Variants in CAMK1D observed in about 807,000 individuals in gnomAD.
CAMK1D encodes the protein calcium/calmodulin-dependent protein kinase type 1D.
In CAMK1D, 9 loss-of-function variants were observed where a neutral mutation model predicts 47.7. The ratio of observed to expected loss-of-function variants is 0.19; its 90% CI spans 0.11 to 0.33. CAMK1D has a LOEUF of 0.33. Ranked by LOEUF, CAMK1D falls within the 10% of genes least tolerant of loss-of-function variation. The pLI, the probability that CAMK1D is intolerant of heterozygous loss-of-function variation, is 1.00. For synonymous variants in CAMK1D, 184 were observed against 184.9 expected, an observed-to-expected ratio of 0.99 and a Z score of 0.04; for missense variants, 291 against 488.7, an observed-to-expected ratio of 0.60 and a Z score of 3.81.
chr10:12,365,250 C>T (rs1001397288), intron 1 of CAMK1D, among the ~76,000 whole-genome samples: 4 of 152,048 alleles, frequency 2.6e-5, no homozygotes, highest in South Asian at 2.1e-4. Context: ...GCCACCAAGC[C>T]GGCCTATCCT....
At chr10:12,827,664 C>T (rs1455825174) in intron 10 of CAMK1D, among the ~76,000 whole-genome samples, 4 of 143,978 alleles carry the variant, frequency 2.8e-5, no homozygotes, top group Non-Finnish European at 6.1e-5. Flanking sequence ...TCTCCTCTCT[C>T]CCTTCTCCCC....
intron 2 of CAMK1D, among the ~76,000 whole-genome samples, chr10:12,590,399 C>A (rs1837962592): frequency 6.6e-6 from 1 of 151,972 alleles, no homozygotes; most frequent in South Asian, 2.1e-4. Context: ...TAAGTGTTTG[C>A]AGAGATGGAT....
chr10:12,365,471 C>T (rs1303074254), intron 1 of CAMK1D, among the ~76,000 whole-genome samples: 2 of 152,068 alleles, frequency 1.3e-5, no homozygotes, highest in Non-Finnish European at 2.9e-5. Flanking sequence ...CAGTGTCTCG[C>T]TCTGTCGCCC....
At chr10:12,741,271 A>G (rs936628184) in intron 3 of CAMK1D, among the ~76,000 whole-genome samples, 4 of 152,112 alleles carry the variant, frequency 2.6e-5, no homozygotes, top group Admixed American at 6.6e-5. Context: ...TCCTTTCTTC[A>G]TGCTTAGCAG....
chr10:12,489,231 C>T (rs1390603750), intron 1 of CAMK1D, among the ~76,000 whole-genome samples: 1 of 152,200 alleles, frequency 6.6e-6, no homozygotes, highest in Non-Finnish European at 1.5e-5. Flanking sequence ...AGCCACTGTG[C>T]CTGGCCTGTG....
At chr10:12,748,166 A>G (rs1046493889) in intron 3 of CAMK1D, among the ~76,000 whole-genome samples, 3 of 152,128 alleles carry the variant, frequency 2.0e-5, no homozygotes, top group African/African-American at 7.2e-5. Context: ...TCCACAGCTC[A>G]TGGTATTTAA....
At chr10:12,791,049 C>A in intron 5 of CAMK1D, 109 bp from the exon 6 acceptor site, 1 of 873,842 alleles carries the variant, frequency 1.1e-6, no homozygotes, top group Non-Finnish European at 1.9e-6. Flanking sequence ...TCTCTCTACT[C>A]AGTTTTTATA....
chr10:12,683,359 T>G (rs946957811), intron 3 of CAMK1D, among the ~76,000 whole-genome samples: 1 of 152,170 alleles, frequency 6.6e-6, no homozygotes, highest in Non-Finnish European at 1.5e-5. Context: ...GTGCTAGGAT[T>G]ACAGGTGTAA....
At chr10:12,437,173 CATCT>C (rs765196395) in intron 1 of CAMK1D, among the ~76,000 whole-genome samples, 3,349 of 150,976 alleles carry the variant, frequency 0.022, 120 homozygotes, top group African/African-American at 0.069. Context: ...TCTATCTGTC[CATCT>C]GTCTGTCTGT....
At chr10:12,798,893 T>C (rs1410014097) in intron 6 of CAMK1D, among the ~76,000 whole-genome samples, 1 of 152,158 alleles carries the variant, frequency 6.6e-6, no homozygotes, top group African/African-American at 2.4e-5. Flanking sequence ...TATATATGTA[T>C]TGGAGGTGCA....
intron 3 of CAMK1D, among the ~76,000 whole-genome samples, chr10:12,694,467 CAT>C (rs1192332744): frequency 1.1e-5 from 1 of 87,578 alleles, no homozygotes; most frequent in Admixed American, 1.6e-4. Context: ...TGTTATATAT[CAT>C]ATATAAAATA....
At chr10:12,495,866 C>CA (rs1282132649) in intron 1 of CAMK1D, among the ~76,000 whole-genome samples, 1 of 152,090 alleles carries the variant, frequency 6.6e-6, no homozygotes, top group Non-Finnish European at 1.5e-5. Flanking sequence ...CTCACTCTGT[C>CA]ACTCAGGCCG....
intron 4 of CAMK1D, among the ~76,000 whole-genome samples, chr10:12,763,524 C>T (rs1836599946): frequency 6.6e-6 from 1 of 152,200 alleles, no homozygotes; most frequent in Admixed American, 6.5e-5. Context: ...TTGGGTTTCT[C>T]AGCCCCTGCA....
intron 1 of CAMK1D, among the ~76,000 whole-genome samples, chr10:12,419,009 T>C (rs1402942719): frequency 1.3e-5 from 2 of 152,198 alleles, no homozygotes; most frequent in Non-Finnish European, 2.9e-5. Context: ...TGTTTCAACA[T>C]TGGTGCTTGA....
At position 12,415,395 on chromosome 10, in the gene CAMK1D, TCTC is replaced by T. The variant is rs1290612141; in HGVS notation, c.92+65488_92+65490del. ...CCTCCGCCTCCCAGGTTCAAGCGAT[TCTC>T]CTGCCTCAGCCTCCCAAGTAGCTGG... On this transcript the variant is annotated intron_variant, in intron 1 of 10. Coordinates refer to ENST00000619168, the MANE Select transcript of CAMK1D (RefSeq NM_153498.4). Among the ~76,000 whole-genome samples the T allele has an allele frequency of 7.9e-5, 12 of 151,316 alleles. No homozygotes were observed. In the South Asian group the frequency reaches 2.5e-3, roughly 32 times the overall value.
chr10:12,352,018 A>T (rs1460367792), intron 1 of CAMK1D, among the ~76,000 whole-genome samples: 1 of 152,330 alleles, frequency 6.6e-6, no homozygotes, highest in African/African-American at 2.4e-5. Context: ...ATCAGGTATT[A>T]TTCTACGTGC....
intron 6 of CAMK1D, among the ~76,000 whole-genome samples, chr10:12,809,003 G>A (rs1832490427): frequency 6.6e-6 from 1 of 151,926 alleles, no homozygotes; most frequent in East Asian, 1.9e-4. Flanking sequence ...TGTAATCCCA[G>A]GTGCGCAGGA....
intron 1 of CAMK1D, among the ~76,000 whole-genome samples, chr10:12,424,796 G>A (rs1354585582): frequency 2.0e-5 from 3 of 152,078 alleles, no homozygotes; most frequent in Admixed American, 6.5e-5. Flanking sequence ...GCAACAGAGC[G>A]AGACCCCATC....
At chr10:12,732,952 A>G (rs1050622490) in intron 3 of CAMK1D, among the ~76,000 whole-genome samples, 4 of 152,104 alleles carry the variant, frequency 2.6e-5, no homozygotes, top group African/African-American at 9.7e-5. Flanking sequence ...AATGGAGACA[A>G]TAGCACATGC....
Sources: gnomAD v4.1 joint callset for allele counts (sites outside exome capture counted in the v4.1 genomes callset) on GRCh38, gnomAD v4.1.1 for gene constraint, MANE v1.5 for transcripts, NCBI Gene and HGNC (gene_info 2026-07-23, HGNC 2026-07-21) for gene names.